Variants in DHCR7 observed in about 807,000 individuals in gnomAD.
DHCR7 encodes the protein 7-DHC reductase.
DHCR7 carries 40 observed loss-of-function variants against 43.3 expected under a neutral mutation model. The observed-to-expected ratio is 0.92, with a 90% confidence interval of 0.72 to 1.20. The LOEUF is 1.20. Among genes scored for constraint, DHCR7 ranks in the 50% most tolerant of loss-of-function variants. DHCR7 has a pLI of 0.00. For synonymous variants in DHCR7, 298 were observed against 271.4 expected, an observed-to-expected ratio of 1.10 and a Z score of -0.96; for missense variants, 608 against 644.6, an observed-to-expected ratio of 0.94 and a Z score of 0.62.
chr11:71,435,878 C>G, intron 8 of DHCR7, 39 bp from the exon 9 acceptor site: 1 of 1,556,266 alleles, frequency 6.4e-7, no homozygotes, highest in Non-Finnish European at 8.7e-7. Flanking sequence ...GGTGCTTTGC[C>G]CAGGGAGAGG....
At position 71,435,802 on chromosome 11, in the gene DHCR7, G is replaced by A. The variant is rs748020179; in HGVS notation, c.1001C>T (p.Thr334Ile). The change falls in exon 9 of 9, where the codon ACC becomes ATC. Residue 334 changes from threonine to isoleucine, a missense_variant. Physicochemically the swap from Thr to Ile is moderately conservative, Grantham distance 89. Transcript: ENST00000355527. ...YLVYHPVQLSTPHAVGVLLLG... is the reference protein window; with the variant it reads ...YLVYHPVQLSIPHAVGVLLLG... Reference sequence around the variant, plus strand: ...CAGCAGGACGCCCACGGCGTGCGGGGTGGACAGCTGCACGGGGTGGTACAC... The same window carrying A: ...CAGCAGGACGCCCACGGCGTGCGGGATGGACAGCTGCACGGGGTGGTACAC... 1.1e-5 allele frequency: 17 copies of A among 1,607,016 alleles called. 1 individual carries two copies. The highest frequency in any genetic ancestry group is 3.3e-5 in the South Asian group (3 of 90,914).
At chr11:71,445,839 G>GA (rs1378032939) in intron 2 of DHCR7, among the ~76,000 whole-genome samples, 1 of 152,166 alleles carries the variant, frequency 6.6e-6, no homozygotes, top group Admixed American at 6.5e-5. Context: ...AGCTTTTAGA[G>GA]AAAAAACAGG....
At position 71,436,337 on chromosome 11, in the gene DHCR7, C is replaced by A. The variant is rs556475592; in HGVS notation, c.964-498G>T. ...GTTGACAGCTTTAAGAGACAGAAGA[C>A]CCACCTTCCCCAAAGAAGAGGGAAT... On this transcript the variant is annotated intron_variant, in intron 8 of 8. Transcript: ENST00000355527. Among the ~76,000 whole-genome samples the A allele has an allele frequency of 2.0e-3, 301 of 152,238 alleles. 1 individual carries two copies. The highest frequency in any genetic ancestry group is 5.1e-4 in the Non-Finnish European group (35 of 68,018).
rs544442568 is a variant in DHCR7, at chr11:71,435,635, G to A, written c.1168C>T (p.His390Tyr). The change falls in exon 9 of 9, where the codon CAC (histidine) becomes TAC (tyrosine). Residue 390 changes from histidine (H) to tyrosine (Y), a missense_variant. By Grantham distance (83) the His-to-Tyr change is moderately conservative. Coordinates refer to ENST00000355527, the MANE Select transcript of DHCR7 (RefSeq NM_001360.3). ...CCCGACACCAGCAGCTTGCTGTGGT[G>A]CCTCTGCCCATCGGCGGATGTGTAG... ...CSYTSADGQR[H>Y]HSKLLVSGFW... is the part of the protein sequence containing the mutation. 2.4e-5 allele frequency: 39 copies of A among 1,612,146 alleles called. No individual in the cohort carries two copies. In the South Asian group the frequency reaches 2.6e-4, roughly 11 times the overall value.
intron 2 of DHCR7, among the ~76,000 whole-genome samples, chr11:71,446,795 G>A (rs1198378141): frequency 1.3e-5 from 2 of 152,218 alleles, no homozygotes; most frequent in African/African-American, 4.8e-5. Context: ...AAGAGTTCTT[G>A]ATAGGAAGAG....
chr11:71,429,976 G>A (rs117882101), downstream of DHCR7, among the ~76,000 whole-genome samples: 6 of 152,294 alleles, frequency 3.9e-5, no homozygotes, highest in East Asian at 9.6e-4. Context: ...CCCGTCCCCA[G>A]CTCCCAGTCA....
chr11:71,434,185 C>G (rs1034157312), downstream of DHCR7, among the ~76,000 whole-genome samples: 3 of 152,248 alleles, frequency 2.0e-5, no homozygotes, highest in Non-Finnish European at 4.4e-5. Flanking sequence ...GAATACTCTC[C>G]ACATTCAACC....
At chr11:71,446,521 G>A (rs75686975) in intron 2 of DHCR7, among the ~76,000 whole-genome samples, 1 of 152,174 alleles carries the variant, frequency 6.6e-6, no homozygotes, top group Non-Finnish European at 1.5e-5. Context: ...CACAAAAGTA[G>A]CTGAAAGAAT....
At chr11:71,448,511 G>C (rs1488635336), upstream of DHCR7, 2 of 152,242 alleles carry the variant, frequency 1.3e-5, no homozygotes, top group African/African-American at 4.8e-5. Flanking sequence ...GCTGACTCCG[G>C]GCCCACCGCG....
intron 2 of DHCR7, among the ~76,000 whole-genome samples, 190 bp from the exon 3 acceptor site, chr11:71,445,148 C>G (rs932366635): frequency 1.3e-5 from 2 of 152,232 alleles, no homozygotes; most frequent in African/African-American, 4.8e-5. Flanking sequence ...TCCTTGGACC[C>G]TGCAATCACC....
At chr11:71,427,510 C>A (rs1189215067), downstream of DHCR7, among the ~76,000 whole-genome samples, 1 of 152,150 alleles carries the variant, frequency 6.6e-6, no homozygotes, top group African/African-American at 2.4e-5. Flanking sequence ...ATCCTGCAAC[C>A]TCACTAAATT....
At chr11:71,433,010 A>C (rs529308379), downstream of DHCR7, among the ~76,000 whole-genome samples, 89 of 152,296 alleles carry the variant, frequency 5.8e-4, no homozygotes, top group Non-Finnish European at 1.1e-3. Flanking sequence ...GAATCTACTC[A>C]TGGGAAAATA....
chr11:71,444,778 T>G, intron 3 of DHCR7, 77 bp downstream of exon 3: 2 of 1,289,550 alleles, frequency 1.6e-6, no homozygotes, highest in East Asian at 4.6e-5. Flanking sequence ...TTCCTTTGGG[T>G]CCATACAATT....
At chr11:71,445,147 C>T (rs1316807429) in intron 2 of DHCR7, among the ~76,000 whole-genome samples, 189 bp from the exon 3 acceptor site, 1 of 152,190 alleles carries the variant, frequency 6.6e-6, no homozygotes, top group East Asian at 1.9e-4. Context: ...TTCCTTGGAC[C>T]CTGCAATCAC....
downstream of DHCR7, among the ~76,000 whole-genome samples, chr11:71,433,330 T>C (rs1949240137): frequency 6.6e-6 from 1 of 152,226 alleles, no homozygotes; most frequent in Non-Finnish European, 1.5e-5. Flanking sequence ...CATCTGGGGA[T>C]GAGTGAGGGC....
chr11:71,442,210 G>A (rs1159127055), intron 5 of DHCR7, 53 bp downstream of exon 5: 1 of 1,349,344 alleles, frequency 7.4e-7, no homozygotes, highest in Admixed American at 1.8e-5. Flanking sequence ...ACTGGCCCCT[G>A]AGAGAAAGGG....
rs1055826415 is a variant in DHCR7 at position 71,448,391 on chromosome 11, C to A, written c.-233G>T. On this transcript the variant is annotated 5_prime_UTR_variant, in exon 1 of 9. Transcript: ENST00000355527. ...CCTCTAGCCAGGGGTCGGAGTCACC[C>A]GCAGGGCAGGGGCGCCCGCCCCCGG... is the stretch of plus-strand genomic sequence containing the variant. 3 of 152,424 alleles carry A rather than the reference C, an allele frequency of 2.0e-5. No homozygotes were observed. Among genetic ancestry groups the A allele is most frequent in the Non-Finnish European group, 4.4e-5 (3 of 68,112 alleles). The allele number at this position is 152,424 out of a possible 1,614,324, so 9.4% of individuals were successfully genotyped here.
chr11:71,438,071 TG>T, intron 7 of DHCR7, 128 bp from the exon 8 acceptor site: 1 of 1,107,512 alleles, frequency 9.0e-7, no homozygotes, highest in Non-Finnish European at 1.3e-6. Flanking sequence ...TCCTCAATGC[TG>T]GGGCTGTTCC....
downstream of DHCR7, among the ~76,000 whole-genome samples, chr11:71,429,594 A>T (rs1253398480): frequency 6.6e-6 from 1 of 152,186 alleles, no homozygotes; most frequent in African/African-American, 2.4e-5. Flanking sequence ...GTTTTCGGTT[A>T]GAGCAACTGA....
Sources: allele counts gnomAD v4.1 joint callset (sites outside exome capture counted in the v4.1 genomes callset), GRCh38; gene constraint gnomAD v4.1.1; transcripts MANE v1.5; gene names NCBI Gene and HGNC (gene_info 2026-07-23, HGNC 2026-07-21).